The following ULK2 variants were observed in gnomAD, a reference collection of about 807,000 sequenced individuals.
ULK2 encodes the protein unc-51 like autophagy activating kinase 2, also known as serine/threonine-protein kinase ULK2.
ULK2 carries 76 observed loss-of-function variants against 127.5 expected under a neutral mutation model. The ratio of observed to expected loss-of-function variants is 0.60; its 90% CI spans 0.50 to 0.72. The LOEUF is 0.72. Ranked by LOEUF, ULK2 falls within the 30% of genes least tolerant of loss-of-function variation. The pLI is 0.00. For missense variants in ULK2, 1,144 were observed against 1,295.9 expected, an observed-to-expected ratio of 0.88 and a Z score of 1.80; for synonymous variants, 452 against 461.9, an observed-to-expected ratio of 0.98 and a Z score of 0.28.
rs192745180 is a variant in ULK2 at position 19,802,282 on chromosome 17, G to A, written c.1296-360C>T. Among the ~76,000 whole-genome samples the A allele has an allele frequency of 5.9e-5, 9 of 152,050 alleles. No individual in the cohort carries two copies. In the East Asian group the frequency reaches 1.7e-3, roughly 29 times the overall value. ...CATATCAATCATTTTGAATCCTTTT[G>A]GTCTTAGGTCCTGTTTATACTCTTA... On this transcript the variant is annotated intron_variant, in intron 15 of 26. Transcript: ENST00000395544.
rs1263823614 is a variant in ULK2, at chr17:19,783,818, G to T, written c.2339C>A (p.Ser780Tyr). Residue 780 changes from serine to tyrosine, a missense_variant, in exon 22 of 27, where the codon TCC (serine) becomes TAC (tyrosine). Around this residue, in one of 2 missense-constraint regions of ULK2, gnomAD observed 913 missense variants for 970.5 expected, o/e 0.94. Transcript: ENST00000395544. The stretch of plus-strand genomic sequence containing the variant: ...GGGAGCTGCCTCTGCTCCTGGAGGG[G>T]AAGAGCCGAAGCCTGGGCCAGGCGG... Reference protein sequence around the residue: ...GSPPGPGFGSSPPGAEAAPSL... With the variant: ...GSPPGPGFGSYPPGAEAAPSL... The T allele has an allele frequency of 1.2e-6, 2 of 1,602,310 alleles. No homozygotes were observed.
intron 16 of ULK2, among the ~76,000 whole-genome samples, chr17:19,801,015 G>C (rs1207836250): frequency 6.6e-6 from 1 of 152,140 alleles, no homozygotes; most frequent in Admixed American, 6.5e-5. Flanking sequence ...ACGGTACCAG[G>C]AGAAGTGGGA....
Position 19,825,127 on chromosome 17 carries a change from G to A in ULK2, c.891C>T (p.Gly297=). Residue 297 remains glycine (G), a synonymous_variant, in exon 12 of 27, where the codon GGC becomes GGT. Transcript: ENST00000395544. ...AAGCAAAACGACAAGATGGAGAGCT[G>A]CCACAGGAGCTTCCAGAGACAGAAC... ...YSGSVSGSSC[G]SSPSCRFASP... 1.2e-6 allele frequency: 2 copies of A among 1,614,218 alleles called. No homozygotes were observed. Among genetic ancestry groups the A allele is most frequent in the Non-Finnish European group, 1.7e-6 (2 of 1,180,044 alleles).
chr17:19,822,049 A>C (rs957943933), intron 12 of ULK2, among the ~76,000 whole-genome samples: 1 of 151,098 alleles, frequency 6.6e-6, no homozygotes, highest in Non-Finnish European at 1.5e-5. Flanking sequence ...GCAGTGGCAC[A>C]ATCTCAGCTC....
At chr17:19,846,690 T>C (rs1361543970) in intron 6 of ULK2, 47 bp downstream of exon 6, 5 of 1,485,612 alleles carry the variant, frequency 3.4e-6, no homozygotes, top group Non-Finnish European at 4.5e-6. Flanking sequence ...TGTCTAAAAA[T>C]AGTTTCAAAA....
chr17:19,795,796 T>G (rs1002129436), intron 19 of ULK2, 71 bp from the exon 20 acceptor site: 3 of 1,405,308 alleles, frequency 2.1e-6, no homozygotes, highest in Non-Finnish European at 3.0e-6. Context: ...TAATAGGAAG[T>G]TAGAGAATGA....
intron 15 of ULK2, 138 bp from the exon 16 acceptor site, chr17:19,802,060 T>C: frequency 1.0e-6 from 1 of 965,482 alleles, no homozygotes; most frequent in Non-Finnish European, 1.4e-6. Context: ...AATTATAAGA[T>C]GCATAAAAAG....
At chr17:19,841,425 A>C in intron 9 of ULK2, 64 bp downstream of exon 9, 1 of 1,432,726 alleles carries the variant, frequency 7.0e-7, no homozygotes, top group South Asian at 1.3e-5. Flanking sequence ...ACAAAACACA[A>C]ACAGTTCAAA....
At chr17:19,814,439 T>TATATATATA (rs1491246393) in intron 13 of ULK2, among the ~76,000 whole-genome samples, 59 of 9,964 alleles carry the variant, frequency 5.9e-3, no homozygotes, top group African/African-American at 0.012. Context: ...TATATATATA[T>TATATATATA]TTTTTTTTTT....
chr17:19,817,885 C>A (rs767016524), intron 12 of ULK2, among the ~76,000 whole-genome samples: 1 of 152,162 alleles, frequency 6.6e-6, no homozygotes, highest in Non-Finnish European at 1.5e-5. Context: ...GTGACATGCA[C>A]TTGACACAAT....
chr17:19,829,278 G>A (rs2041371822), intron 10 of ULK2, among the ~76,000 whole-genome samples: 1 of 152,162 alleles, frequency 6.6e-6, no homozygotes, highest in Non-Finnish European at 1.5e-5. Context: ...GCTTAAGCCT[G>A]TAATCCTAGC....
Position 19,810,270 on chromosome 17 carries a change from G to A in ULK2, c.1157+108C>T. 2 of 536,400 alleles carry A rather than the reference G, an allele frequency of 3.7e-6. 1 individual carries two copies. Among genetic ancestry groups the A allele is most frequent in the South Asian group, 6.9e-5 (2 of 28,872 alleles). 33.2% of individuals were successfully genotyped at this position (536,400 alleles called of 1,614,324 possible). On this transcript the variant is annotated intron_variant, in intron 14 of 26. Transcript: ENST00000395544. ...AAAAAAAAAAAAACCAGAAATAATG[G>A]ACTGTAAAACAAAATAAATCTTAAA...
At chr17:19,866,476 C>T (rs1342901276) in intron 1 of ULK2, among the ~76,000 whole-genome samples, 1 of 152,078 alleles carries the variant, frequency 6.6e-6, no homozygotes, top group East Asian at 1.9e-4. Flanking sequence ...CCACGGCACT[C>T]CAGCCTCGGC....
chr17:19,841,660 A>T (rs922185724), intron 8 of ULK2, 113 bp from the exon 9 acceptor site: 1 of 727,916 alleles, frequency 1.4e-6, no homozygotes, highest in Non-Finnish European at 2.2e-6. Context: ...GGGAGTTTCA[A>T]GGAAGGGACT....
chr17:19,814,439 T>TATATATA (rs1491246393), intron 13 of ULK2, among the ~76,000 whole-genome samples: 119 of 9,916 alleles, frequency 0.012, no homozygotes, highest in African/African-American at 0.024. Flanking sequence ...TATATATATA[T>TATATATA]TTTTTTTTTT....
intron 8 of ULK2, among the ~76,000 whole-genome samples, chr17:19,842,405 C>G (rs1476912322): frequency 6.6e-6 from 1 of 151,866 alleles, no homozygotes; most frequent in Non-Finnish European, 1.5e-5. Context: ...CCATGTTGGT[C>G]AGGCTGGTCT....
Position 19,781,878 on chromosome 17 carries a change from G to A in ULK2, c.2639+11C>T. The A allele has an allele frequency of 3.1e-6, 5 of 1,609,886 alleles. No individual in the cohort carries two copies. Among genetic ancestry groups the A allele is most frequent in the African/African-American group, 1.3e-5 (1 of 74,872 alleles). On this transcript the variant is annotated intron_variant, in intron 23 of 26. Transcript: ENST00000395544. Reference sequence around the variant, plus strand: ...GAAAAGTCTGGAAATGAATGACAAGGGGGCACCCACCCCCAGTCTTTGCTC... The same window carrying A: ...GAAAAGTCTGGAAATGAATGACAAGAGGGCACCCACCCCCAGTCTTTGCTC...
chr17:19,827,905 T>C (rs1006467176), intron 10 of ULK2, among the ~76,000 whole-genome samples: 1 of 148,936 alleles, frequency 6.7e-6, no homozygotes, highest in Non-Finnish European at 1.5e-5. Flanking sequence ...GGCGAAACTC[T>C]GTCTCAAAAA....
At chr17:19,786,125 T>C (rs187064116) in intron 20 of ULK2, 39 bp from the exon 21 acceptor site, 166 of 1,541,170 alleles carry the variant, frequency 1.1e-4, no homozygotes, top group Middle Eastern at 1.1e-3. Context: ...ATTACCCTGA[T>C]AGTGTTTATA....
Sources: gnomAD v4.1 joint callset for allele counts (sites outside exome capture counted in the v4.1 genomes callset) on GRCh38, gnomAD v4.1.1 for gene constraint, gnomAD v4.1.1 regional missense constraint, MANE v1.5 for transcripts, NCBI Gene and HGNC (gene_info 2026-07-23, HGNC 2026-07-21) for gene names.